Variants in MICAL3 observed in about 807,000 individuals in gnomAD.
MICAL3 encodes the protein microtubule associated monooxygenase, calponin and LIM domain containing 3, also known as [F-actin]-monooxygenase MICAL3.
In MICAL3, 62 loss-of-function variants were observed where a neutral mutation model predicts 207.4. The ratio of observed to expected loss-of-function variants is 0.30; its 90% CI spans 0.24 to 0.37. The LOEUF is 0.37. MICAL3 is among the 10% of genes least tolerant of loss of function. The pLI is 1.00. For missense variants in MICAL3, 2,368 were observed against 2,635.6 expected (o/e 0.90, Z 2.22); for synonymous variants, 1,077 against 1,069.3 (o/e 1.01, Z -0.14).
At chr22:17,883,489 G>A (rs1929609666) in intron 16 of MICAL3, among the ~76,000 whole-genome samples, 2 of 152,150 alleles carry the variant, frequency 1.3e-5, no homozygotes, top group South Asian at 2.1e-4. Context: ...CGGCATCCAG[G>A]GCCCACTCAT....
chr22:17,877,027 TG>T (rs1928620801), intron 16 of MICAL3, among the ~76,000 whole-genome samples: 2 of 12,256 alleles, frequency 1.6e-4, no homozygotes, highest in Non-Finnish European at 2.3e-4. Flanking sequence ...ATGGAGGTTA[TG>T]GAGGTTAGGG....
intron 7 of MICAL3, among the ~76,000 whole-genome samples, chr22:17,899,080 C>T (rs1931108109): frequency 6.6e-6 from 1 of 152,204 alleles, no homozygotes; most frequent in African/African-American, 2.4e-5. Flanking sequence ...ACCAAATCAC[C>T]TAAAATTAAA....
At chr22:17,861,403 C>T (rs117021039) in intron 19 of MICAL3, 15,348 of 985,424 alleles carry the variant, frequency 0.016, 138 homozygotes, top group Non-Finnish European at 0.017. Context: ...TGCTTCTCCC[C>T]GTCCATCTCT....
intron 1 of MICAL3, among the ~76,000 whole-genome samples, chr22:17,928,089 G>A (rs1933005994): frequency 6.6e-6 from 1 of 152,166 alleles, no homozygotes; most frequent in African/African-American, 2.4e-5. Context: ...TAGCGTGGTG[G>A]ACACATTCAC....
Position 17,822,088 on chromosome 22 carries a change from C to T in MICAL3, c.3390G>A (p.Glu1130=), listed in dbSNP as rs369243067. 3 of 1,613,994 alleles carry T rather than the reference C, an allele frequency of 1.9e-6. No homozygotes were observed. Among genetic ancestry groups the T allele is most frequent in the Non-Finnish European group, 2.5e-6 (3 of 1,179,898 alleles). Residue 1130 remains glutamate (E), a synonymous_variant, in exon 24 of 32, where the codon GAG becomes GAA. Coordinates refer to ENST00000441493, the MANE Select transcript of MICAL3 (RefSeq NM_015241.3). The part of the protein sequence containing the change: ...PCPAEGEAEL[E]LRVSEDEEKL... ...TCTCCTCATCTTCCGACACCCTCAG[C>T]TCCAGCTCTGCTTCCCCCTCAGCTG...
chr22:18,016,865 G>A (rs961481154), intron 1 of MICAL3, among the ~76,000 whole-genome samples: 3 of 152,004 alleles, frequency 2.0e-5, no homozygotes, highest in South Asian at 2.1e-4. Flanking sequence ...GCGTGAACCC[G>A]GGAGGCGGAG....
intron 1 of MICAL3, among the ~76,000 whole-genome samples, chr22:17,996,809 A>G (rs1228073094): frequency 6.6e-6 from 1 of 152,132 alleles, no homozygotes; most frequent in Non-Finnish European, 1.5e-5. Context: ...ACCGGAAGCT[A>G]AAGACCAAAA....
intron 16 of MICAL3, among the ~76,000 whole-genome samples, chr22:17,879,917 G>A (rs1278195559): frequency 6.6e-6 from 1 of 152,220 alleles, no homozygotes; most frequent in Non-Finnish European, 1.5e-5. Flanking sequence ...AGAAGTGAAT[G>A]TGTTTTTGGC....
intron 1 of MICAL3, among the ~76,000 whole-genome samples, chr22:17,945,084 T>C (rs186302698): frequency 1.4e-5 from 2 of 148,100 alleles, no homozygotes; most frequent in African/African-American, 5.0e-5. Context: ...GTCTAATACC[T>C]CAGGCTGGAC....
rs201137735 is a variant in MICAL3 at position 17,842,022 on chromosome 22, G to A, written c.2606-5C>T. 9.3e-4 allele frequency: 1,482 copies of A among 1,598,280 alleles called. 5 individuals carry two copies. Among genetic ancestry groups the A allele is most frequent in the South Asian group, 1.6e-3 (142 of 90,678 alleles). ...CCAGGCCGTTCACGCCTGAACCTGC[G>A]GGACAAGCACAGAAGCACTGCACTG... is the stretch of plus-strand genomic sequence containing the variant. On this transcript the variant is annotated splice_region_variant and splice_polypyrimidine_tract_variant and intron_variant, in intron 19 of 31. Coordinates refer to ENST00000441493, the MANE Select transcript of MICAL3 (RefSeq NM_015241.3).
chr22:17,845,260 G>C (rs1924507745), intron 19 of MICAL3, among the ~76,000 whole-genome samples: 1 of 152,196 alleles, frequency 6.6e-6, no homozygotes, highest in African/African-American at 2.4e-5. Flanking sequence ...AATTCAGAGG[G>C]AAGTGATTTT....
intron 25 of MICAL3, 149 bp from the exon 26 acceptor site, chr22:17,819,278 G>T: frequency 1.3e-6 from 1 of 787,994 alleles, no homozygotes; most frequent in Non-Finnish European, 1.8e-6. Flanking sequence ...ACAGCTCCAG[G>T]AAAACCCTTT....
chr22:17,859,153 C>A (rs1056066581), intron 19 of MICAL3, among the ~76,000 whole-genome samples: 1 of 152,166 alleles, frequency 6.6e-6, no homozygotes, highest in African/African-American at 2.4e-5. Flanking sequence ...GGTGTCACAG[C>A]AGAGCTGTGA....
At chr22:17,871,521 C>A (rs1026096001) in intron 17 of MICAL3, among the ~76,000 whole-genome samples, 1 of 152,218 alleles carries the variant, frequency 6.6e-6, no homozygotes, top group Non-Finnish European at 1.5e-5. Flanking sequence ...AGACAAAAAA[C>A]CTTATTTTTA....
intron 24 of MICAL3, 113 bp downstream of exon 24, chr22:17,821,917 C>T: frequency 7.6e-7 from 1 of 1,319,282 alleles, no homozygotes; most frequent in Non-Finnish European, 1.0e-6. Flanking sequence ...ACCTCGGAGG[C>T]TGGTGTGCAC....
chr22:17,829,327 C>T (rs1042883270), intron 21 of MICAL3, among the ~76,000 whole-genome samples: 2 of 152,118 alleles, frequency 1.3e-5, no homozygotes, highest in Admixed American at 1.3e-4. Context: ...CCACCATGCC[C>T]GACTAATTTT....
intron 1 of MICAL3, among the ~76,000 whole-genome samples, chr22:17,930,062 T>C (rs1933165453): frequency 6.6e-6 from 1 of 152,198 alleles, no homozygotes; most frequent in Non-Finnish European, 1.5e-5. Flanking sequence ...CCAAGGCATG[T>C]GAACAGGTGT....
chr22:17,810,161 C>A (rs2062029370), intron 28 of MICAL3, among the ~76,000 whole-genome samples: 1 of 148,418 alleles, frequency 6.7e-6, no homozygotes, highest in Admixed American at 6.8e-5. Context: ...TTGCTGGGTT[C>A]ATGCCATTCT....
At chr22:17,998,402 T>G (rs1346826823) in intron 1 of MICAL3, among the ~76,000 whole-genome samples, 1 of 126,014 alleles carries the variant, frequency 7.9e-6, no homozygotes, top group Admixed American at 7.6e-5. Flanking sequence ...TTTCTTTGCC[T>G]ATAAAATGGG....
Sources: allele counts gnomAD v4.1 joint callset (sites outside exome capture counted in the v4.1 genomes callset), GRCh38; gene constraint gnomAD v4.1.1; transcripts MANE v1.5; gene names NCBI Gene and HGNC (gene_info 2026-07-23, HGNC 2026-07-21).